The following IKZF2 variants were observed in gnomAD, a reference collection of about 807,000 sequenced individuals.
IKZF2 encodes the protein zinc finger protein Helios.
In IKZF2, 15 loss-of-function variants were observed where a neutral mutation model predicts 49.2. The observed-to-expected ratio is 0.30, with a 90% CI of 0.20 to 0.47. The LOEUF (loss-of-function observed/expected upper bound fraction) is 0.47. Among genes scored for constraint, IKZF2 ranks in the 20% least tolerant of loss-of-function variants. IKZF2 has a pLI of 1.00. For synonymous variants in IKZF2, 227 were observed against 221.4 expected (o/e 1.03, Z -0.23); for missense variants, 567 against 664.6 (o/e 0.85, Z 1.61).
At chr2:213,111,290 A>G (rs1395697244) in intron 4 of IKZF2, among the ~76,000 whole-genome samples, 1 of 152,066 alleles carries the variant, frequency 6.6e-6, no homozygotes, top group Non-Finnish European at 1.5e-5. Context: ...CCTGAAGTTC[A>G]GTATAAGATA....
At chr2:213,033,692 C>T (rs1296512320) in intron 6 of IKZF2, among the ~76,000 whole-genome samples, 2 of 152,152 alleles carry the variant, frequency 1.3e-5, no homozygotes, top group African/African-American at 4.8e-5. Flanking sequence ...ATATTGTAAA[C>T]AAATGTGCTG....
intron 6 of IKZF2, among the ~76,000 whole-genome samples, chr2:213,048,307 A>G (rs1253932113): frequency 6.6e-6 from 1 of 152,104 alleles, no homozygotes; most frequent in African/African-American, 2.4e-5. Context: ...TACACACAAA[A>G]CCATGATATT....
At chr2:213,151,675 C>T (rs1232460741), upstream of IKZF2, 1 of 149,820 alleles carries the variant, frequency 6.7e-6, no homozygotes, top group Non-Finnish European at 1.5e-5. Context: ...TCTCCCCCGC[C>T]GGCCGGGCTC....
intron 6 of IKZF2, among the ~76,000 whole-genome samples, chr2:213,024,259 A>G (rs1192093077): frequency 6.6e-6 from 1 of 152,154 alleles, no homozygotes; most frequent in Non-Finnish European, 1.5e-5. Flanking sequence ...GGATTTGGAC[A>G]TTTCTTAAAA....
At chr2:213,120,231 A>G (rs1301287477) in intron 4 of IKZF2, among the ~76,000 whole-genome samples, 1 of 152,268 alleles carries the variant, frequency 6.6e-6, no homozygotes, top group Admixed American at 6.5e-5. Flanking sequence ...ACAAAGACAT[A>G]AAACAATAGC....
At chr2:213,071,837 A>C (rs1361903262) in intron 4 of IKZF2, among the ~76,000 whole-genome samples, 1 of 152,056 alleles carries the variant, frequency 6.6e-6, no homozygotes, top group Non-Finnish European at 1.5e-5. Flanking sequence ...AATATAAACA[A>C]AATTATATAA....
chr2:213,056,748 A>C (rs1357774465), intron 5 of IKZF2, 85 bp downstream of exon 5: 1 of 1,535,850 alleles, frequency 6.5e-7, no homozygotes, highest in Non-Finnish European at 8.9e-7. Context: ...GCCACCCCTG[A>C]ATAAAAAGGA....
At chr2:213,150,481 C>A in intron 1 of IKZF2, 2 of 192,168 alleles carry the variant, frequency 1.0e-5, no homozygotes, top group South Asian at 1.3e-4. Flanking sequence ...CCTCCTCGTC[C>A]TCCTCCTCCT....
At chr2:213,012,429 G>T (rs1696063769) in intron 8 of IKZF2, among the ~76,000 whole-genome samples, 1 of 151,768 alleles carries the variant, frequency 6.6e-6, no homozygotes. Flanking sequence ...CTACATTAGA[G>T]TCTAGTTAGA....
rs2061278577 is a variant in IKZF2, at chr2:213,151,452, T to C, written c.-159A>G. 1 of 152,560 alleles carries C rather than the reference T, an allele frequency of 6.6e-6. No individual in the cohort carries two copies. The highest frequency in any genetic ancestry group is 1.5e-5 in the Non-Finnish European group (1 of 68,038). The allele number at this position is 152,560 out of a possible 1,614,324, so 9.5% of individuals were successfully genotyped here. ...CAGTAAAATAATCCCATCACCCTTT[T>C]GTTTGTGTTTACTGTTAATGTGTCC... is the stretch of plus-strand genomic sequence containing the variant. On this transcript the variant is annotated 5_prime_UTR_variant, in exon 1 of 9. Coordinates refer to ENST00000434687, the MANE Select transcript of IKZF2 (RefSeq NM_001387220.1).
intron 4 of IKZF2, among the ~76,000 whole-genome samples, chr2:213,124,326 T>C (rs2060183610): frequency 6.6e-6 from 1 of 151,636 alleles, no homozygotes; most frequent in African/African-American, 2.4e-5. Flanking sequence ...GGAAGCCTGA[T>C]ATTTTTAAAT....
chr2:213,115,676 A>T (rs778673495), intron 4 of IKZF2, among the ~76,000 whole-genome samples: 2 of 152,216 alleles, frequency 1.3e-5, no homozygotes, highest in Non-Finnish European at 2.9e-5. Context: ...CATGACTCAA[A>T]CCATGTGAAT....
intron 4 of IKZF2, among the ~76,000 whole-genome samples, chr2:213,142,536 G>A (rs1054446047): frequency 6.6e-6 from 1 of 151,962 alleles, no homozygotes. Context: ...AAGTTGTGCT[G>A]AGCATTTTGC....
At chr2:213,145,144 T>C (rs77078951) in intron 4 of IKZF2, among the ~76,000 whole-genome samples, 1 of 151,484 alleles carries the variant, frequency 6.6e-6, no homozygotes, top group African/African-American at 2.4e-5. Context: ...TATTGATACT[T>C]TTCTGGCCAG....
intron 4 of IKZF2, among the ~76,000 whole-genome samples, chr2:213,145,838 T>C (rs887256488): frequency 7.2e-6 from 1 of 138,230 alleles, no homozygotes; most frequent in Non-Finnish European, 1.7e-5. Context: ...CACAGGCTAG[T>C]AAGTTAAAAA....
chr2:213,064,420 GA>G (rs897999211), intron 4 of IKZF2, among the ~76,000 whole-genome samples: 1 of 151,412 alleles, frequency 6.6e-6, no homozygotes, highest in Non-Finnish European at 1.5e-5. Context: ...TACTTTCATG[GA>G]AAAAAAATGT....
At position 213,005,968 on chromosome 2, in the gene IKZF2, T is replaced by G. The variant is rs982263552; in HGVS notation, c.*1392A>C. On this transcript the variant is annotated 3_prime_UTR_variant, in exon 9 of 9. Transcript: ENST00000434687. ...ATGTGCAGGACTTTCCTTTGGGGGT[T>G]CTGTCACATTCTAGACTCCAAGAAG... 4 of 152,122 alleles carry G rather than the reference T, an allele frequency of 2.6e-5. No individual in the cohort carries two copies. The highest frequency in any genetic ancestry group is 1.3e-4 in the Admixed American group (2 of 15,258). 9.4% of individuals were successfully genotyped at this position (152,122 alleles called of 1,614,324 possible).
intron 1 of IKZF2, among the ~76,000 whole-genome samples, chr2:213,150,703 G>GGGC (rs1553606015): frequency 1.5e-5 from 1 of 66,210 alleles, no homozygotes; most frequent in African/African-American, 1.0e-4. Context: ...TGAAAGAAAA[G>GGGC]GGGGGGGGGG....
At chr2:213,142,292 C>T (rs1343165992) in intron 4 of IKZF2, among the ~76,000 whole-genome samples, 1 of 151,866 alleles carries the variant, frequency 6.6e-6, no homozygotes, top group Non-Finnish European at 1.5e-5. Flanking sequence ...TTCATAGATG[C>T]TTTAAATAAC....
Sources: gnomAD v4.1 joint callset for allele counts (sites outside exome capture counted in the v4.1 genomes callset) on GRCh38, gnomAD v4.1.1 for gene constraint, MANE v1.5 for transcripts, NCBI Gene and HGNC (gene_info 2026-07-23, HGNC 2026-07-21) for gene names.